The following ANKRD26 variants were observed in gnomAD, a reference collection of about 807,000 sequenced individuals.
ANKRD26 encodes the protein ankyrin repeat domain 26, also known as ankyrin repeat domain-containing protein 26.
A neutral mutation model predicts 208.7 loss-of-function variants in ANKRD26; 141 were observed. The ratio of observed to expected loss-of-function variants is 0.68; its 90% CI spans 0.59 to 0.78. ANKRD26 has a LOEUF of 0.78. Ranked by LOEUF, ANKRD26 falls within the 30% of genes least tolerant of loss-of-function variation. ANKRD26 has a pLI of 0.00. For synonymous variants in ANKRD26, 636 were observed against 660.4 expected (o/e 0.96, Z 0.57); for missense variants, 1,889 against 1,938.7 (o/e 0.97, Z 0.48).
At chr10:27,038,350 T>C (rs1178230222) in intron 21 of ANKRD26, among the ~76,000 whole-genome samples, 2 of 152,186 alleles carry the variant, frequency 1.3e-5, no homozygotes, top group Admixed American at 1.3e-4. Flanking sequence ...AAGATGCAAG[T>C]TGAAAATTAT....
chr10:27,046,959 G>T (rs1384371238), intron 17 of ANKRD26, among the ~76,000 whole-genome samples: 1 of 151,968 alleles, frequency 6.6e-6, no homozygotes, highest in Non-Finnish European at 1.5e-5. Context: ...TAGGCACACG[G>T]CATCTAGATG....
rs201068693 is a variant in ANKRD26 at position 27,100,287 on chromosome 10, C to T, written c.40G>A (p.Gly14Ser). The T allele has an allele frequency of 3.3e-4, 533 of 1,610,178 alleles. No individual in the cohort carries two copies. The African/African-American group carries it at 6.4e-3, about 19-fold the overall frequency. The change falls in exon 1 of 34, where the codon GGC (glycine) becomes AGC (serine). Residue 14 changes from glycine to serine, a missense_variant. Physicochemically the swap from Gly to Ser is moderately conservative, Grantham distance 56. Around this residue, in one of 3 missense-constraint regions of ANKRD26, gnomAD observed 1,272 missense variants for 1,273.8 expected, o/e 1.00. Transcript: ENST00000376087. ...CTCCTCTGCCGCCGCGCGAAGGAGC[C>T]CAAGGGCGACTCGCCCTTCTTACTA... ...IFSKKGESPL[G>S]SFARRQRSSA...
chr10:26,995,141 A>G, exon 5 of ANKRD26: 1 of 471,128 alleles, frequency 2.1e-6, no homozygotes, highest in Non-Finnish European at 4.4e-6. Flanking sequence ...GTTTCATCAG[A>G]AGGTCCCTGG....
At chr10:26,960,150 A>C in the ANKRD26 span, among the ~76,000 whole-genome samples, 1 of 145,462 alleles carries the variant, frequency 6.9e-6, no homozygotes, top group African/African-American at 2.5e-5. Context: ...CCTTGTCTCC[A>C]AAAAAAAAAA....
chr10:26,973,962 C>T (rs7071525), exon 6 of ANKRD26, among the ~76,000 whole-genome samples: 128,452 of 151,948 alleles, frequency 0.85, 54,675 homozygotes, highest in African/African-American at 0.95. Flanking sequence ...TGGCTTTGTT[C>T]TTTTTTCTTT....
Position 27,076,265 on chromosome 10 carries a change from G to GTTT in ANKRD26, c.1077+1070_1077+1072dup, listed in dbSNP as rs199989309. On this transcript the variant is annotated intron_variant, in intron 9 of 33. Coordinates refer to ENST00000376087, the MANE Select transcript of ANKRD26 (RefSeq NM_014915.3). Reference sequence around the variant, plus strand: ...AAAAAGTTTGTTTTTTGTTTGTTTGGTTTTTTTTTTTTTTTAGATGGAATT... The same window carrying GTTT: ...AAAAAGTTTGTTTTTTGTTTGTTTGGTTTTTTTTTTTTTTTTTTAGATGGAATT... Among the ~76,000 whole-genome samples the GTTT allele has an allele frequency of 6.5e-4, 92 of 141,138 alleles. 1 individual carries two copies. Among genetic ancestry groups the GTTT allele is most frequent in the African/African-American group, 1.9e-3 (73 of 39,062 alleles). The allele number at this position is 141,138 out of a possible 152,430, so 92.6% of individuals were successfully genotyped here. A position where few individuals can be genotyped will look rare whatever the true frequency, so the allele number is the denominator to read the frequency against.
In ANKRD26 at chr10:27,092,480, A is replaced by G. The variant is rs1564435102; in HGVS notation, c.564T>C (p.Ser188=). ...DDLTPLLLAV[S]GKKQQMVEFL... is the part of the protein sequence containing the mutation. ...ATTCCACCATTTGCTGCTTTTTTCCACTTACTGCAAGTAAAAGTGGTGTGA... is the reference window on the plus strand; with the variant it reads ...ATTCCACCATTTGCTGCTTTTTTCCGCTTACTGCAAGTAAAAGTGGTGTGA... Residue 188 remains serine (S), a synonymous_variant, in exon 4 of 34, where the codon AGT becomes AGC. Coordinates refer to ENST00000376087, the MANE Select transcript of ANKRD26 (RefSeq NM_014915.3). 1 of 1,613,630 alleles carries G rather than the reference A, an allele frequency of 6.2e-7. No individual in the cohort carries two copies. The highest frequency in any genetic ancestry group is 8.5e-7 in the Non-Finnish European group (1 of 1,179,898).
the ANKRD26 span, among the ~76,000 whole-genome samples, chr10:26,967,807 T>A: frequency 6.6e-6 from 1 of 152,116 alleles, no homozygotes; most frequent in Non-Finnish European, 1.5e-5. Flanking sequence ...ATAACCTACA[T>A]CTAATCATTT....
exon 6 of ANKRD26, among the ~76,000 whole-genome samples, chr10:26,975,240 C>T (rs980251446): frequency 3.3e-5 from 5 of 151,748 alleles, no homozygotes; most frequent in African/African-American, 9.7e-5. Flanking sequence ...TTTTTTATTA[C>T]TTTTTAGAGG....
intron 12 of ANKRD26, 55 bp downstream of exon 12, chr10:27,063,932 GT>G (rs2055152290): frequency 2.2e-6 from 3 of 1,382,444 alleles, no homozygotes; most frequent in East Asian, 4.6e-5. Flanking sequence ...CAACAGTCAT[GT>G]TTTTAAATAA....
chr10:27,028,605 AAT>A lies in ANKRD26; in HGVS notation c.3972+245_3972+246del, dbSNP rs2053757103. 1.1e-4 allele frequency among the ~76,000 whole-genome samples: 16 copies of A among 151,066 alleles called. 1 individual carries two copies. The highest frequency in any genetic ancestry group is 9.9e-4 in the Admixed American group (15 of 15,150). ...CATCTCAAAAAAAAAAAAAAAAAAA[AAT>A]TACATAAAAGTAACTTCAGGCTACA... On this transcript the variant is annotated intron_variant, in intron 27 of 33. Transcript: ENST00000376087.
chr10:27,033,197 T>C (rs1013550371), intron 25 of ANKRD26, 28 bp downstream of exon 25: 4 of 1,574,880 alleles, frequency 2.5e-6, no homozygotes, highest in Non-Finnish European at 3.5e-6. Flanking sequence ...ATAGATTAAC[T>C]GTTTGACATG....
chr10:27,001,210 G>T (rs1259824430), downstream of ANKRD26, among the ~76,000 whole-genome samples: 1 of 152,122 alleles, frequency 6.6e-6, no homozygotes, highest in Non-Finnish European at 1.5e-5. Flanking sequence ...GACTAAGCCT[G>T]GAAACAAAAT....
rs78009322 is a variant in ANKRD26 at position 27,039,739 on chromosome 10, C to A, written c.2375+226G>T. ...TTACTGTATTAAATAATGAGTCTTC[C>A]ATACGACAAACTTCTACATAGCCAT... is the stretch of plus-strand genomic sequence containing the variant. On this transcript the variant is annotated intron_variant, in intron 21 of 33. Coordinates refer to ENST00000376087, the MANE Select transcript of ANKRD26 (RefSeq NM_014915.3). 0.024 allele frequency among the ~76,000 whole-genome samples: 3,607 copies of A among 152,018 alleles called. 122 individuals carry two copies. Among genetic ancestry groups the A allele is most frequent in the African/African-American group, 0.082 (3,398 of 41,450 alleles).
chr10:27,096,938 T>C (rs1242630316), intron 1 of ANKRD26, among the ~76,000 whole-genome samples: 1 of 152,024 alleles, frequency 6.6e-6, no homozygotes, highest in Non-Finnish European at 1.5e-5. Flanking sequence ...TCCCAACACT[T>C]TGGGAGGCCA....
Position 27,100,436 on chromosome 10 carries a change from A to C in ANKRD26, c.-110T>G. Reference sequence around the variant, plus strand: ...CGGCTGGCCGCAGCCTCCCAAAGGAAACTCCGCGGTTTCCAATCTCTCCCT... The same window carrying C: ...CGGCTGGCCGCAGCCTCCCAAAGGACACTCCGCGGTTTCCAATCTCTCCCT... On this transcript the variant is annotated 5_prime_UTR_variant, in exon 1 of 34. Transcript: ENST00000376087. The C allele has an allele frequency of 6.7e-7, 1 of 1,497,510 alleles. No individual in the cohort carries two copies. The highest frequency in any genetic ancestry group is 2.3e-5 in the East Asian group (1 of 43,624). 92.8% of individuals were successfully genotyped at this position (1,497,510 alleles called of 1,614,324 possible). A position where few individuals can be genotyped will look rare whatever the true frequency, so the allele number is the denominator to read the frequency against.
Position 27,046,429 on chromosome 10 carries a change from C to A in ANKRD26, c.1909G>T (p.Ala637Ser). 1 of 1,614,084 alleles carries A rather than the reference C, an allele frequency of 6.2e-7. No homozygotes were observed. The highest frequency in any genetic ancestry group is 8.5e-7 in the Non-Finnish European group (1 of 1,179,984). The change falls in exon 18 of 34, where the codon GCC becomes TCC. Residue 637 changes from alanine (A) to serine (S), a missense_variant. Physicochemically the swap from Ala to Ser is moderately conservative, Grantham distance 99. This residue lies in a region of ANKRD26 where 1,272 missense variants were observed against 1,273.8 expected (regional missense o/e 1.00). Coordinates refer to ENST00000376087, the MANE Select transcript of ANKRD26 (RefSeq NM_014915.3). The stretch of plus-strand genomic sequence containing the variant: ...AGCAGGCCACCAGTTAGTAAACTGG[C>A]CTTCCCAAACACTGGTGAATTCACA... ...ESVNSPVFGK[A>S]SLLTGGLLQV...
At position 27,048,888 on chromosome 10, in the gene ANKRD26, T is replaced by A. The variant is rs763537820; in HGVS notation, c.1727A>T (p.Asp576Val). 1.2e-6 allele frequency: 2 copies of A among 1,613,130 alleles called. No homozygotes were observed. The highest frequency in any genetic ancestry group is 3.3e-5 in the Admixed American group (2 of 59,988). The change falls in exon 17 of 34, where the codon GAT becomes GTT. Residue 576 changes from aspartate to valine, a missense_variant. Coordinates refer to ENST00000376087, the MANE Select transcript of ANKRD26 (RefSeq NM_014915.3). ...DGATDDAEDD[D>V]DDDGLIQKRK... is the part of the protein sequence containing the mutation. ...TTTTTGAATTAATCCATCATCATCA[T>A]CATCATCTTCAGCATCATCAGTAGC... is the stretch of plus-strand genomic sequence containing the variant.
At chr10:27,016,430 G>T (rs1193911359) in intron 30 of ANKRD26, among the ~76,000 whole-genome samples, 1 of 152,038 alleles carries the variant, frequency 6.6e-6, no homozygotes, top group Admixed American at 6.6e-5. Context: ...GTGCCACCAC[G>T]CCTGGCTGAT....
Sources: gnomAD v4.1 joint callset for allele counts (sites outside exome capture counted in the v4.1 genomes callset) on GRCh38, gnomAD v4.1.1 for gene constraint, gnomAD v4.1.1 regional missense constraint, MANE v1.5 for transcripts, NCBI Gene and HGNC (gene_info 2026-07-23, HGNC 2026-07-21) for gene names.